The following ABHD2 variants were observed in gnomAD, a reference collection of about 807,000 sequenced individuals.
ABHD2 encodes monoacylglycerol lipase ABHD2.
ABHD2 carries 20 observed loss-of-function variants against 48.1 expected under a neutral mutation model. That is an observed-to-expected ratio of 0.42 (90% CI 0.29 to 0.60). The LOEUF (loss-of-function observed/expected upper bound fraction) is 0.60, where lower values mean the gene tolerates loss of function less well. Ranked by LOEUF, ABHD2 falls within the 20% of genes least tolerant of loss-of-function variation. ABHD2 has a pLI of 0.24. For synonymous variants in ABHD2, 209 were observed against 214.2 expected (o/e 0.98, Z 0.21); for missense variants, 405 against 550.9 (o/e 0.74, Z 2.65).
chr15:89,194,870 C>T (rs183323328), intron 10 of ABHD2, among the ~76,000 whole-genome samples: 1 of 152,302 alleles, frequency 6.6e-6, no homozygotes, highest in African/African-American at 2.4e-5. Context: ...CCTCTCCCAC[C>T]TCCCACCCCC....
chr15:89,170,356 C>G (rs2050905881), intron 5 of ABHD2, among the ~76,000 whole-genome samples: 1 of 151,946 alleles, frequency 6.6e-6, no homozygotes, highest in African/African-American at 2.4e-5. Context: ...CTCAGCCTCC[C>G]AAAGTGCTGG....
At chr15:89,191,276 G>C in intron 9 of ABHD2, 127 bp downstream of exon 9, 1 of 880,994 alleles carries the variant, frequency 1.1e-6, no homozygotes, top group East Asian at 2.6e-5. Context: ...CGCTCTTTTA[G>C]CTTGGATTTG....
At chr15:89,071,249 A>G in the ABHD2 span, among the ~76,000 whole-genome samples, 1 of 152,062 alleles carries the variant, frequency 6.6e-6, no homozygotes, top group African/African-American at 2.4e-5. Flanking sequence ...GTGAAACCCC[A>G]TCTCTACTAA....
intron 1 of ABHD2, among the ~76,000 whole-genome samples, chr15:89,103,191 ATCC>A (rs1477188410): frequency 1.1e-4 from 17 of 152,334 alleles, no homozygotes; most frequent in African/African-American, 3.6e-4. Flanking sequence ...ACCAATTCTC[ATCC>A]TCCTCATGTG....
chr15:89,161,179 A>G (rs547511128), intron 5 of ABHD2, among the ~76,000 whole-genome samples: 9 of 152,274 alleles, frequency 5.9e-5, no homozygotes, highest in East Asian at 1.9e-4. Context: ...TCAGAGCCAC[A>G]GATACAGGTT....
chr15:89,185,192 TAG>T lies in ABHD2; in HGVS notation c.723-227_723-226del, dbSNP rs2051185336. Among the ~76,000 whole-genome samples the T allele has an allele frequency of 6.6e-6, 1 of 152,146 alleles. No individual in the cohort carries two copies. The highest frequency in any genetic ancestry group is 2.1e-4 in the South Asian group (1 of 4,820). Reference sequence around the variant, plus strand: ...GTGCCACCAACAAAGCCTCTGGCGCTAGAGAGGGCCTTTGCCGGGGTCCCCTT... The same window carrying T: ...GTGCCACCAACAAAGCCTCTGGCGCTAGAGGGCCTTTGCCGGGGTCCCCTT... On this transcript the variant is annotated intron_variant, in intron 6 of 10. Transcript: ENST00000352732. This position sits in a 1 kb window ranked among gnomAD's most constrained non-coding sequence, Gnocchi z 5.9.
At chr15:89,143,587 A>T (rs1206412774) in intron 3 of ABHD2, among the ~76,000 whole-genome samples, 1 of 152,092 alleles carries the variant, frequency 6.6e-6, no homozygotes, top group African/African-American at 2.4e-5. Context: ...GAATCGCTTG[A>T]ACCCAGGAGG....
rs116998441 is a variant in ABHD2 at position 89,090,878 on chromosome 15, G to A, written c.-107+2315G>A. ...TATTAAGTGCTTTTCGGAAGTTCAG[G>A]GATCATGTGTCAACTGCATTTAAGG... On this transcript the variant is annotated intron_variant, in intron 1 of 10. Coordinates refer to ENST00000352732, the MANE Select transcript of ABHD2 (RefSeq NM_152924.5). Among the ~76,000 whole-genome samples the A allele has an allele frequency of 1.4e-4, 22 of 152,268 alleles. No homozygotes were observed. In the East Asian group the frequency reaches 3.9e-3, roughly 27 times the overall value.
chr15:89,130,948 C>T (rs1292010582), intron 3 of ABHD2, among the ~76,000 whole-genome samples: 1 of 152,142 alleles, frequency 6.6e-6, no homozygotes, highest in African/African-American at 2.4e-5. Context: ...TAATCATGGC[C>T]ACAGGCAGCA....
At chr15:89,119,820 A>G (rs2050019333) in intron 3 of ABHD2, among the ~76,000 whole-genome samples, 3 of 152,216 alleles carry the variant, frequency 2.0e-5, no homozygotes, top group Admixed American at 6.5e-5. Context: ...TCACATGACT[A>G]TAACAACCTC....
At position 89,106,638 on chromosome 15, in the gene ABHD2, GT is replaced by G. The variant is rs916393927; in HGVS notation, c.-106-7080del. Among the ~76,000 whole-genome samples, 10 of 152,138 alleles carry G rather than the reference GT, an allele frequency of 6.6e-5. No homozygotes were observed. The highest frequency in any genetic ancestry group is 3.2e-3 in the Middle Eastern group (1 of 316). On this transcript the variant is annotated intron_variant, in intron 1 of 10. Coordinates refer to ENST00000352732, the MANE Select transcript of ABHD2 (RefSeq NM_152924.5). The surrounding 1 kb of genome is among the most constrained non-coding windows in gnomAD (Gnocchi z 4.2). ...GGCTTGTTTTCGTCCCTGCAGAATGGTTTTTTTCCCCCTATGATGGCTCTGA... is the reference window on the plus strand; with the variant it reads ...GGCTTGTTTTCGTCCCTGCAGAATGGTTTTTTCCCCCTATGATGGCTCTGA...
At chr15:89,042,824 CTTT>C in the ABHD2 span, among the ~76,000 whole-genome samples, 1 of 150,168 alleles carries the variant, frequency 6.7e-6, no homozygotes, top group African/African-American at 2.4e-5. Flanking sequence ...TTTTTTTTTT[CTTT>C]TTTTCTTTTT....
chr15:89,112,220 C>T (rs1163050732), intron 1 of ABHD2, among the ~76,000 whole-genome samples: 1 of 152,202 alleles, frequency 6.6e-6, no homozygotes, highest in Admixed American at 6.5e-5. Flanking sequence ...TGTGAGAATG[C>T]TGGCCCTGTG....
In ABHD2 at chr15:89,200,545, A is replaced by C. The variant is rs1370954353; in HGVS notation, c.*5122A>C. On this transcript the variant is annotated 3_prime_UTR_variant, in exon 11 of 11. Transcript: ENST00000352732. ...TGATAAAGGACTGAAGTGCAACTGAAAGCTGCTAGTGATGATCTGGTAATA... is the reference window on the plus strand; with the variant it reads ...TGATAAAGGACTGAAGTGCAACTGACAGCTGCTAGTGATGATCTGGTAATA... 1 of 152,864 alleles carries C rather than the reference A, an allele frequency of 6.5e-6. No individual in the cohort carries two copies. The highest frequency in any genetic ancestry group is 2.4e-5 in the African/African-American group (1 of 41,456). 9.5% of individuals were successfully genotyped at this position (152,864 alleles called of 1,614,324 possible). A position where few individuals can be genotyped will look rare whatever the true frequency, so the allele number is the denominator to read the frequency against.
the ABHD2 span, among the ~76,000 whole-genome samples, chr15:89,061,539 A>G: frequency 6.6e-6 from 1 of 152,110 alleles, no homozygotes; most frequent in Non-Finnish European, 1.5e-5. Flanking sequence ...AAACCCGCAC[A>G]TATACCTCCT....
At chr15:89,048,544 G>A in the ABHD2 span, among the ~76,000 whole-genome samples, 35 of 152,190 alleles carry the variant, frequency 2.3e-4, no homozygotes, top group African/African-American at 4.1e-4. Flanking sequence ...CCAATCAGAC[G>A]TAGATTTGGT....
rs746136062 is a variant in ABHD2, at chr15:89,104,171, C to G, written c.-106-9554C>G. On this transcript the variant is annotated intron_variant, in intron 1 of 10. Coordinates refer to ENST00000352732, the MANE Select transcript of ABHD2 (RefSeq NM_152924.5). The surrounding 1 kb of genome is among the most constrained non-coding windows in gnomAD (Gnocchi z 4.4). ...ACAGAGCTTTTTCTGCTGTCTCTCC[C>G]TGTGTAACAGGGTCTGGTGGCCGAG... is the stretch of plus-strand genomic sequence containing the variant. The G allele has an allele frequency of 6.6e-6, 1 of 152,284 alleles. No homozygotes were observed. The highest frequency in any genetic ancestry group is 1.5e-5 in the Non-Finnish European group (1 of 68,076). 9.4% of individuals were successfully genotyped at this position (152,284 alleles called of 1,614,324 possible). A position where few individuals can be genotyped will look rare whatever the true frequency, so the allele number is the denominator to read the frequency against.
chr15:89,170,857 C>T (rs898371197), intron 5 of ABHD2, among the ~76,000 whole-genome samples: 1 of 152,190 alleles, frequency 6.6e-6, no homozygotes, highest in Non-Finnish European at 1.5e-5. Context: ...GTGGCTCACA[C>T]CTGTAATCCC....
chr15:89,100,272 A>G lies in ABHD2; in HGVS notation c.-107+11709A>G, dbSNP rs1229573825. ...GTGAGCACACCACTCCCAAGTTCAC[A>G]TTGTGTTGTTAATTTTTTTTTTTTT... is the stretch of plus-strand genomic sequence containing the variant. On this transcript the variant is annotated intron_variant, in intron 1 of 10. Coordinates refer to ENST00000352732, the MANE Select transcript of ABHD2 (RefSeq NM_152924.5). The surrounding 1 kb of genome is among the most constrained non-coding windows in gnomAD (Gnocchi z 4.4). Among the ~76,000 whole-genome samples the G allele has an allele frequency of 6.7e-6, 1 of 150,336 alleles. No homozygotes were observed. Among genetic ancestry groups the G allele is most frequent in the Non-Finnish European group, 1.5e-5 (1 of 67,728 alleles).
Sources: allele counts gnomAD v4.1 joint callset (sites outside exome capture counted in the v4.1 genomes callset), GRCh38; gene constraint gnomAD v4.1.1; non-coding constraint Gnocchi (gnomAD v3.1); transcripts MANE v1.5; gene names NCBI Gene and HGNC (gene_info 2026-07-23, HGNC 2026-07-21).